Variants in ADGRL2 observed in about 807,000 individuals in gnomAD.
ADGRL2 encodes adhesion G protein-coupled receptor L2.
In ADGRL2, 44 loss-of-function variants were observed where a neutral mutation model predicts 157.4. That is an observed-to-expected ratio of 0.28 (90% CI 0.22 to 0.36). The LOEUF (loss-of-function observed/expected upper bound fraction) is 0.36. Among genes scored for constraint, ADGRL2 ranks in the 10% least tolerant of loss-of-function variants. The probability of loss-of-function intolerance (pLI) is 1.00; values close to 1 mark genes in which losing one functional copy is unlikely to be tolerated. For missense variants in ADGRL2, 1,510 were observed against 1,768.9 expected, an observed-to-expected ratio of 0.85 and a Z score of 2.63; for synonymous variants, 585 against 624.7, an observed-to-expected ratio of 0.94 and a Z score of 0.95.
At position 81,327,480 on chromosome 1, in the gene ADGRL2, T is replaced by C. The variant is rs574138926; in HGVS notation, c.-302+20971T>C. ...AATTTCAGTCATCTATCCAAAGCAG[T>C]CCCTGGTTGCTTGTAAAATGCTCCA... On this transcript the variant is annotated intron_variant, in intron 1 of 24. Coordinates refer to the ADGRL2 transcript ENST00000370721. 1.2e-3 allele frequency among the ~76,000 whole-genome samples: 178 copies of C among 152,258 alleles called. 1 individual carries two copies. The highest frequency in any genetic ancestry group is 2.2e-3 in the Non-Finnish European group (147 of 68,010).
At chr1:81,439,890 A>T (rs1468360178) in intron 1 of ADGRL2, among the ~76,000 whole-genome samples, 1 of 152,228 alleles carries the variant, frequency 6.6e-6, no homozygotes, top group Non-Finnish European at 1.5e-5. Context: ...TCACATAAAC[A>T]GTTGAAGGAT....
chr1:81,772,245 A>C (rs1045434056), intron 2 of ADGRL2, among the ~76,000 whole-genome samples: 1 of 138,868 alleles, frequency 7.2e-6, no homozygotes, highest in Non-Finnish European at 1.6e-5. Flanking sequence ...GCCAGACTCT[A>C]TCTCAAAAAA....
At chr1:81,721,708 A>G in intron 1 of ADGRL2, 1 of 1,375,494 alleles carries the variant, frequency 7.3e-7, no homozygotes, top group Non-Finnish European at 1.0e-6. Flanking sequence ...CCCCCCGCAA[A>G]GTGAACGAGC....
At chr1:81,333,414 T>A (rs12037571) in intron 1 of ADGRL2, among the ~76,000 whole-genome samples, 14,425 of 142,508 alleles carry the variant, frequency 0.1, 890 homozygotes, top group Non-Finnish European at 0.14. Context: ...TTAATTAATT[T>A]ATTTATTTAT....
chr1:81,638,116 G>T (rs917730516), intron 3 of ADGRL2, among the ~76,000 whole-genome samples: 3 of 151,530 alleles, frequency 2.0e-5, no homozygotes, highest in Non-Finnish European at 4.4e-5. Flanking sequence ...CAAGCAAGAA[G>T]AGAGTGGAAT....
intron 1 of ADGRL2, among the ~76,000 whole-genome samples, chr1:81,395,591 A>G (rs2076641113): frequency 6.6e-6 from 1 of 151,834 alleles, no homozygotes; most frequent in African/African-American, 2.4e-5. Context: ...TGTGTTTTTG[A>G]GGTCTTTTCC....
chr1:81,913,407 A>T (rs943411395), intron 3 of ADGRL2, among the ~76,000 whole-genome samples: 10 of 152,176 alleles, frequency 6.6e-5, no homozygotes, highest in African/African-American at 2.2e-4. Context: ...TTCCACATTC[A>T]GTTAGAAGTA....
At chr1:81,463,468 T>A (rs1251795757) in intron 2 of ADGRL2, among the ~76,000 whole-genome samples, 1 of 152,128 alleles carries the variant, frequency 6.6e-6, no homozygotes, top group Non-Finnish European at 1.5e-5. Flanking sequence ...AGATGACAGT[T>A]CCCCAAATTG....
At chr1:81,739,730 A>T (rs1166013583) in intron 1 of ADGRL2, among the ~76,000 whole-genome samples, 3 of 152,222 alleles carry the variant, frequency 2.0e-5, no homozygotes, top group African/African-American at 7.2e-5. Flanking sequence ...ATGCTAAGCA[A>T]ATCTCCACAA....
intron 2 of ADGRL2, among the ~76,000 whole-genome samples, chr1:81,792,215 A>G (rs190368704): frequency 6.6e-6 from 1 of 152,336 alleles, no homozygotes; most frequent in East Asian, 1.9e-4. Context: ...ACGCAAAATT[A>G]AAAATGAATA....
At chr1:81,740,569 G>T (rs1206818808) in intron 1 of ADGRL2, among the ~76,000 whole-genome samples, 2 of 152,188 alleles carry the variant, frequency 1.3e-5, no homozygotes, top group African/African-American at 4.8e-5. Flanking sequence ...GTTGAGGCAA[G>T]AACGTGGTTA....
Position 81,907,720 on chromosome 1 carries a change from C to T in ADGRL2, c.287+490C>T, listed in dbSNP as rs543891736. On this transcript the variant is annotated intron_variant, in intron 3 of 23. Coordinates refer to ENST00000686636, the MANE Select transcript of ADGRL2 (RefSeq NM_001366006.2). ...ATCCATATCCACACACAGAGTGTTT[C>T]TCAACTGAAGATACTTTGCCCCACA... Among the ~76,000 whole-genome samples, 39 of 152,136 alleles carry T rather than the reference C, an allele frequency of 2.6e-4. No homozygotes were observed. In the South Asian group the frequency reaches 5.6e-3, roughly 22 times the overall value.
chr1:81,975,033 C>T (rs1336211939), intron 17 of ADGRL2, among the ~76,000 whole-genome samples: 1 of 151,634 alleles, frequency 6.6e-6, no homozygotes, highest in Non-Finnish European at 1.5e-5. Flanking sequence ...TGTTCTCACT[C>T]AACAGACTTA....
At chr1:81,762,742 T>C (rs10874266) in intron 2 of ADGRL2, among the ~76,000 whole-genome samples, 47,336 of 151,872 alleles carry the variant, frequency 0.31, 8,528 homozygotes, top group East Asian at 0.77. Context: ...CTTGGCAGTA[T>C]ATCTTGGGCT....
At chr1:81,663,633 T>C (rs1322830400) in intron 3 of ADGRL2, among the ~76,000 whole-genome samples, 1 of 152,200 alleles carries the variant, frequency 6.6e-6, no homozygotes, top group East Asian at 1.9e-4. Flanking sequence ...TCTTAACCTA[T>C]CATTGTAATT....
intron 1 of ADGRL2, chr1:81,427,319 C>G: frequency 2.8e-6 from 2 of 723,896 alleles, no homozygotes; most frequent in African/African-American, 1.7e-5. Flanking sequence ...CTATGACAGT[C>G]GTCCTGGTTA....
chr1:81,687,828 T>C (rs1483845197), intron 3 of ADGRL2, among the ~76,000 whole-genome samples: 1 of 152,210 alleles, frequency 6.6e-6, no homozygotes, highest in Non-Finnish European at 1.5e-5. Context: ...TTTCAAGGTT[T>C]AGAGCTCCTT....
intron 2 of ADGRL2, among the ~76,000 whole-genome samples, chr1:81,763,159 A>G (rs1280045726): frequency 6.6e-6 from 1 of 152,054 alleles, no homozygotes; most frequent in Non-Finnish European, 1.5e-5. Flanking sequence ...ATAAATAGAT[A>G]TTGTTTTTAT....
intron 2 of ADGRL2, among the ~76,000 whole-genome samples, chr1:81,762,444 T>G (rs2085916249): frequency 6.6e-6 from 1 of 152,214 alleles, no homozygotes; most frequent in South Asian, 2.1e-4. Context: ...TATTTAGTTT[T>G]AGTCTTTATC....
Sources: gnomAD v4.1 joint callset for allele counts (sites outside exome capture counted in the v4.1 genomes callset) on GRCh38, gnomAD v4.1.1 for gene constraint, MANE v1.5 for transcripts, NCBI Gene and HGNC (gene_info 2026-07-23, HGNC 2026-07-21) for gene names.